Variants in ZNF773 observed in about 807,000 individuals in gnomAD.
ZNF773 encodes zinc finger protein 419B.
Under a neutral mutation model 12.8 loss-of-function variants are expected in ZNF773, and 11 were observed. That is an observed-to-expected ratio of 0.86 (90% confidence interval 0.54 to 1.42). The LOEUF (loss-of-function observed/expected upper bound fraction) is 1.42, where lower values mean the gene tolerates loss of function less well. ZNF773 is among the 40% of genes most tolerant of loss of function. ZNF773 has a pLI of 0.00. For missense variants in ZNF773, 518 were observed against 527.2 expected (o/e 0.98, Z 0.17); for synonymous variants, 175 against 178.4 (o/e 0.98, Z 0.15).
chr19:57,516,154 T>C (rs769045700), downstream of ZNF773: 3 of 155,430 alleles, frequency 1.9e-5, no homozygotes, highest in Non-Finnish European at 4.3e-5. Context: ...GCTCCTCCAG[T>C]ACGAGCCATG....
At chr19:57,518,121 G>GGA (rs1395848075), downstream of ZNF773, 1 of 153,130 alleles carries the variant, frequency 6.5e-6, no homozygotes, top group Admixed American at 6.5e-5. Context: ...GTATACCACT[G>GGA]GAGGCTATAT....
downstream of ZNF773, chr19:57,517,093 T>G (rs1332304122): frequency 1.3e-5 from 2 of 152,214 alleles, no homozygotes; most frequent in Admixed American, 6.5e-5. Context: ...GTAATAATGC[T>G]CAATGCAGTT....
At chr19:57,503,751 G>A (rs1027712163) in intron 1 of ZNF773, among the ~76,000 whole-genome samples, 4 of 151,204 alleles carry the variant, frequency 2.6e-5, no homozygotes, top group African/African-American at 9.7e-5. Flanking sequence ...TCCACCTCCC[G>A]GGTTCAAGCT....
downstream of ZNF773, among the ~76,000 whole-genome samples, chr19:57,512,410 T>TTA (rs2089802451): frequency 6.8e-6 from 1 of 147,134 alleles, no homozygotes; most frequent in African/African-American, 2.5e-5. Context: ...ATTTTTTTTT[T>TTA]TTTTTTTTTT....
Position 57,507,671 on chromosome 19 carries a change from G to T in ZNF773, c.*247G>T. 7.7e-7 allele frequency: 1 copy of T among 1,302,984 alleles called. No individual in the cohort carries two copies. Among genetic ancestry groups the T allele is most frequent in the Non-Finnish European group, 9.7e-7 (1 of 1,031,308 alleles). The allele number at this position is 1,302,984 out of a possible 1,614,324, so 80.7% of individuals were successfully genotyped here. On this transcript the variant is annotated 3_prime_UTR_variant, in exon 4 of 4. Transcript: ENST00000282292. ...CCTTAGACTGTCGCTGAATCAATAT[G>T]ACCTGACTTAAAGCAGAAACAGCCA...
chr19:57,508,659 T>G (rs2089772895), downstream of ZNF773: 1 of 640,490 alleles, frequency 1.6e-6, no homozygotes, highest in Non-Finnish European at 2.8e-6. Context: ...ATATTAGATT[T>G]TCCATTTCTT....
At chr19:57,501,067 G>A (rs2089664231) in intron 1 of ZNF773, among the ~76,000 whole-genome samples, 1 of 152,154 alleles carries the variant, frequency 6.6e-6, no homozygotes, top group African/African-American at 2.4e-5. Flanking sequence ...AGGCTTAGTA[G>A]TTCCTCATGT....
At chr19:57,518,015 G>C (rs2079035), downstream of ZNF773, 20 of 153,884 alleles carry the variant, frequency 1.3e-4, no homozygotes, top group Admixed American at 2.6e-4. Flanking sequence ...CGGCAATTGA[G>C]AGCTGCACAG....
rs181616807 is a variant in ZNF773 at position 57,501,594 on chromosome 19, A to G, written c.33+1481A>G. 1.6e-4 allele frequency among the ~76,000 whole-genome samples: 25 copies of G among 152,340 alleles called. No homozygotes were observed. The East Asian group carries it at 2.7e-3, about 16-fold the overall frequency. ...AAGTTGAGCATTTTTCCAAGGGCAC[A>G]CAACAGGTAAGAGGCATCACTAAGA... On this transcript the variant is annotated intron_variant, in intron 1 of 3. Transcript: ENST00000282292.
chr19:57,506,549 GT>G lies in ZNF773; in HGVS notation c.456del (p.Lys154ArgfsTer4). The G allele has an allele frequency of 6.2e-7, 1 of 1,614,210 alleles. No homozygotes were observed. Among genetic ancestry groups the G allele is most frequent in the Non-Finnish European group, 8.5e-7 (1 of 1,180,032 alleles). On this transcript the variant is annotated frameshift_variant, in exon 4 of 4. Coordinates refer to ENST00000282292, the MANE Select transcript of ZNF773 (RefSeq NM_198542.3). LOFTEE classifies it low-confidence loss of function (END_TRUNC). The stretch of plus-strand genomic sequence containing the variant: ...AGAGAAGTCCTTGCAAAGCAGGGAA[GT>G]TGGGAAGGATCTTCTGACCAGCTCA... ...LSEKSLQSRE[V>X]GKDLLTSSGV...
chr19:57,506,425 A>G lies in ZNF773; in HGVS notation c.330A>G (p.Ser110=). 1 of 1,614,262 alleles carries G rather than the reference A, an allele frequency of 6.2e-7. No homozygotes were observed. The highest frequency in any genetic ancestry group is 8.5e-7 in the Non-Finnish European group (1 of 1,180,044). The part of the protein sequence containing the change: ...EQSASVEVPS[S]NVQQHQKQHC... The stretch of plus-strand genomic sequence containing the variant: ...GTGCTTCTGTAGAAGTGCCCAGTTC[A>G]AACGTTCAGCAACACCAGAAGCAGC... The change falls in exon 4 of 4, where the codon TCA becomes TCG. Residue 110 remains serine (S), a synonymous_variant. Coordinates refer to ENST00000282292, the MANE Select transcript of ZNF773 (RefSeq NM_198542.3).
intron 2 of ZNF773, 180 bp from the exon 3 acceptor site, chr19:57,505,122 T>C (rs2089714333): frequency 1.3e-6 from 1 of 766,406 alleles, no homozygotes; most frequent in Admixed American, 2.0e-5. Context: ...CTAGCCAACA[T>C]ACCTGGGTGT....
chr19:57,505,569 C>T (rs1192617750), intron 3 of ZNF773, among the ~76,000 whole-genome samples, 169 bp downstream of exon 3: 3 of 152,122 alleles, frequency 2.0e-5, no homozygotes, highest in Non-Finnish European at 2.9e-5. Context: ...ATAGTTGACC[C>T]AGGGCCATTC....
At chr19:57,514,642 A>G (rs1195564822), downstream of ZNF773, 7 of 152,334 alleles carry the variant, frequency 4.6e-5, no homozygotes, top group East Asian at 1.3e-3. Context: ...AGACAGTGAA[A>G]TCTTTGCAAA....
Position 57,507,169 on chromosome 19 carries a change from T to C in ZNF773, c.1074T>C (p.Pro358=), listed in dbSNP as rs973352726. Residue 358 remains proline, a synonymous_variant, in exon 4 of 4, where the codon CCT becomes CCC. Coordinates refer to ENST00000282292, the MANE Select transcript of ZNF773 (RefSeq NM_198542.3). ...NHWRVHTGER[P]YECSECGKFF... ...GGCGTGTTCACACTGGAGAAAGGCCTTATGAGTGCAGTGAATGTGGGAAAT... is the reference window on the plus strand; with the variant it reads ...GGCGTGTTCACACTGGAGAAAGGCCCTATGAGTGCAGTGAATGTGGGAAAT... 4.3e-6 allele frequency: 7 copies of C among 1,614,074 alleles called. No individual in the cohort carries two copies. The African/African-American group carries it at 9.3e-5, about 22-fold the overall frequency.
Position 57,507,386 on chromosome 19 carries a change from G to A in ZNF773, c.1291G>A (p.Val431Ile). The A allele has an allele frequency of 2.5e-6, 4 of 1,609,188 alleles. No homozygotes were observed. The highest frequency in any genetic ancestry group is 3.4e-6 in the Non-Finnish European group (4 of 1,178,160). The stretch of plus-strand genomic sequence containing the variant: ...ATTTTTTCGCCACAGCTCCAGTCTT[G>A]TTAAACATCGAAGGATTCACACTGG... ...GKFFRHSSSL[V>I]KHRRIHTGEI... The change falls in exon 4 of 4, where the codon GTT becomes ATT. Residue 431 changes from valine (V) to isoleucine (I), a missense_variant. Physicochemically the swap from Val to Ile is conservative, Grantham distance 29. Transcript: ENST00000282292.
chr19:57,500,993 G>A (rs767397135), intron 1 of ZNF773, among the ~76,000 whole-genome samples: 6 of 152,176 alleles, frequency 3.9e-5, no homozygotes, highest in Non-Finnish European at 7.3e-5. Flanking sequence ...GAGGGTTATA[G>A]AGTATGAACA....
chr19:57,507,971 T>TCA lies in ZNF773; in HGVS notation c.*547_*548insCA, dbSNP rs2089761181. The stretch of plus-strand genomic sequence containing the variant: ...CTGGGTGACAGAGTGAGACTCTGTC[T>TCA]AAAAAAAAAAAAAAAAAAAATTAGC... On this transcript the variant is annotated 3_prime_UTR_variant, in exon 4 of 4. Transcript: ENST00000282292. 1 of 111,618 alleles carries TCA rather than the reference T, an allele frequency of 9.0e-6. No individual in the cohort carries two copies. The allele number at this position is 111,618 out of a possible 1,614,324, so 6.9% of individuals were successfully genotyped here.
chr19:57,504,308 G>A (rs887777400), intron 1 of ZNF773, among the ~76,000 whole-genome samples: 1 of 152,188 alleles, frequency 6.6e-6, no homozygotes, highest in Non-Finnish European at 1.5e-5. Flanking sequence ...TCTAATGAGT[G>A]TAAACAGATG....
Sources: gnomAD v4.1 joint callset for allele counts (sites outside exome capture counted in the v4.1 genomes callset) on GRCh38, gnomAD v4.1.1 for gene constraint, MANE v1.5 for transcripts, NCBI Gene and HGNC (gene_info 2026-07-23, HGNC 2026-07-21) for gene names.